DPP10: variants seen among roughly 807,000 people sequenced by gnomAD.
DPP10 encodes the protein inactive dipeptidyl peptidase 10.
A neutral mutation model predicts 120.9 loss-of-function variants in DPP10; 33 were observed. That is an observed-to-expected ratio of 0.27 (90% CI 0.21 to 0.37). DPP10 has a LOEUF of 0.37. Ranked by LOEUF, DPP10 falls within the 10% of genes least tolerant of loss-of-function variation. The pLI, the probability that DPP10 is intolerant of heterozygous loss-of-function variation, is 1.00. For missense variants in DPP10, 816 were observed against 942.8 expected (o/e 0.87, Z 1.76); for synonymous variants, 337 against 326.1 (o/e 1.03, Z -0.36).
intron 3 of DPP10, among the ~76,000 whole-genome samples, chr2:115,436,962 A>G (rs368753039): frequency 9.2e-5 from 14 of 151,960 alleles, no homozygotes; most frequent in South Asian, 2.1e-4. Flanking sequence ...AGATACTGCA[A>G]TTTCACAAAG....
At chr2:115,655,149 T>C (rs1015720180) in intron 5 of DPP10, among the ~76,000 whole-genome samples, 1 of 151,756 alleles carries the variant, frequency 6.6e-6, no homozygotes, top group African/African-American at 2.4e-5. Flanking sequence ...GAATTCAAGA[T>C]TATTTTATAC....
At chr2:115,078,203 G>A (rs1045325281) in intron 1 of DPP10, among the ~76,000 whole-genome samples, 2 of 152,098 alleles carry the variant, frequency 1.3e-5, no homozygotes, top group African/African-American at 4.8e-5. Flanking sequence ...AAATTAAAAT[G>A]AAACATTTAA....
intron 1 of DPP10, among the ~76,000 whole-genome samples, chr2:114,850,265 T>A: frequency 6.6e-6 from 1 of 152,118 alleles, no homozygotes; most frequent in African/African-American, 2.4e-5. Context: ...GAGCTCAAGC[T>A]ATCCTCCCAC....
intron 1 of DPP10, among the ~76,000 whole-genome samples, chr2:115,152,809 C>T (rs538098117): frequency 6.4e-4 from 97 of 152,250 alleles, no homozygotes; most frequent in Non-Finnish European, 1.0e-3. Context: ...CTAAGAACAA[C>T]GAAACAGCTG....
chr2:115,356,361 A>G (rs540745293), intron 3 of DPP10, among the ~76,000 whole-genome samples: 5 of 151,786 alleles, frequency 3.3e-5, no homozygotes, highest in African/African-American at 7.2e-5. Flanking sequence ...CTGCTTGTCT[A>G]TTGTTGGTGT....
At chr2:115,126,958 C>G (rs964851480) in intron 1 of DPP10, among the ~76,000 whole-genome samples, 2 of 152,100 alleles carry the variant, frequency 1.3e-5, no homozygotes, top group Non-Finnish European at 2.9e-5. Flanking sequence ...TTTTGAAATT[C>G]TATAGACTTT....
At chr2:115,379,803 A>G (rs373875491) in intron 3 of DPP10, among the ~76,000 whole-genome samples, 6 of 152,112 alleles carry the variant, frequency 3.9e-5, no homozygotes, top group African/African-American at 9.6e-5. Flanking sequence ...CCTTCATTTC[A>G]TTATGTACCC....
rs544937183 is a variant in DPP10, at chr2:115,489,731, T to C, written c.272-9779T>C. On this transcript the variant is annotated intron_variant, in intron 3 of 25. Coordinates refer to ENST00000410059, the MANE Select transcript of DPP10 (RefSeq NM_020868.6). ...CCCCAAAATATATTTTTTGTTATATTTTGAAATGGCCCCACAAAACCATCT... is the reference window on the plus strand; with the variant it reads ...CCCCAAAATATATTTTTTGTTATATCTTGAAATGGCCCCACAAAACCATCT... Among the ~76,000 whole-genome samples the C allele has an allele frequency of 4.1e-4, 62 of 152,182 alleles. 1 individual carries two copies. Among genetic ancestry groups the C allele is most frequent in the Admixed American group, 2.2e-3 (34 of 15,282 alleles).
At chr2:114,454,911 A>T (rs1462128375) in intron 1 of DPP10, among the ~76,000 whole-genome samples, 1 of 152,164 alleles carries the variant, frequency 6.6e-6, no homozygotes, top group Non-Finnish European at 1.5e-5. Flanking sequence ...TGTCATTGTG[A>T]CTTCAGTGTC....
intron 1 of DPP10, among the ~76,000 whole-genome samples, chr2:115,168,744 G>A (rs1404598144): frequency 1.3e-5 from 2 of 152,124 alleles, no homozygotes; most frequent in African/African-American, 2.4e-5. Flanking sequence ...AAGTAGGTTC[G>A]GTGGGGAGAC....
At chr2:115,588,617 AG>A (rs1258010514) in intron 5 of DPP10, among the ~76,000 whole-genome samples, 1 of 152,222 alleles carries the variant, frequency 6.6e-6, no homozygotes, top group Non-Finnish European at 1.5e-5. Flanking sequence ...CAGGAAACAA[AG>A]GGTGTTTTTA....
intron 1 of DPP10, among the ~76,000 whole-genome samples, chr2:114,538,008 A>G (rs987278629): frequency 1.3e-5 from 2 of 152,212 alleles, no homozygotes; most frequent in Admixed American, 1.3e-4. Context: ...ATCCCTTAAC[A>G]CTAGTTCATT....
rs556087854 is a variant in DPP10, at chr2:115,365,835, G to A, written c.271+21923G>A. 1.1e-4 allele frequency among the ~76,000 whole-genome samples: 16 copies of A among 152,016 alleles called. No homozygotes were observed. In the South Asian group the frequency reaches 1.9e-3, roughly 18 times the overall value. ...CAAGCATCATTTCAAACCTGTTTGG[G>A]AATTAAAATAAATGAATCCTGGGAT... On this transcript the variant is annotated intron_variant, in intron 3 of 25. Coordinates refer to ENST00000410059, the MANE Select transcript of DPP10 (RefSeq NM_020868.6).
intron 1 of DPP10, among the ~76,000 whole-genome samples, chr2:115,160,121 T>C (rs73946522): frequency 0.016 from 2,374 of 152,322 alleles, 31 homozygotes; most frequent in African/African-American, 0.036. Context: ...AGCTGCCCAA[T>C]AGCTATTACA....
intron 3 of DPP10, among the ~76,000 whole-genome samples, chr2:115,433,904 T>G (rs1247156896): frequency 6.6e-6 from 1 of 152,004 alleles, no homozygotes; most frequent in Non-Finnish European, 1.5e-5. Context: ...AATTTTTGTT[T>G]TATGAGATTT....
At chr2:115,728,913 T>G (rs185077301) in intron 8 of DPP10, among the ~76,000 whole-genome samples, 14 of 152,290 alleles carry the variant, frequency 9.2e-5, no homozygotes, top group Non-Finnish European at 1.8e-4. Context: ...TGGAGCTATT[T>G]TATTAAAGAA....
intron 5 of DPP10, among the ~76,000 whole-genome samples, chr2:115,673,949 C>G (rs145905186): frequency 6.6e-6 from 1 of 152,120 alleles, no homozygotes; most frequent in African/African-American, 2.4e-5. Flanking sequence ...TGGTGGCTGA[C>G]GCCTGTAATC....
At chr2:114,728,131 A>G (rs1383378549) in intron 1 of DPP10, among the ~76,000 whole-genome samples, 1 of 152,188 alleles carries the variant, frequency 6.6e-6, no homozygotes, top group Non-Finnish European at 1.5e-5. Flanking sequence ...TCTCAGCTTC[A>G]AAACAGGTCT....
intron 1 of DPP10, among the ~76,000 whole-genome samples, chr2:115,300,397 C>T (rs1174920571): frequency 1.3e-5 from 2 of 151,976 alleles, no homozygotes; most frequent in South Asian, 2.1e-4. Flanking sequence ...TAGCAACTGT[C>T]GGGATTTCCT....
Sources: allele counts gnomAD v4.1 joint callset (sites outside exome capture counted in the v4.1 genomes callset), GRCh38; gene constraint gnomAD v4.1.1; transcripts MANE v1.5; gene names NCBI Gene and HGNC (gene_info 2026-07-23, HGNC 2026-07-21).